Variants in WWOX observed in about 807,000 individuals in gnomAD.
The protein encoded by WWOX is WW domain-containing oxidoreductase.
Under a neutral mutation model 46.2 loss-of-function variants are expected in WWOX, and 69 were observed. The observed-to-expected ratio is 1.49, with a 90% CI of 1.23 to 1.82. The LOEUF (loss-of-function observed/expected upper bound fraction) is 1.82, where lower values mean the gene tolerates loss of function less well. WWOX is among the 40% of genes most tolerant of loss of function. The pLI, the probability that WWOX is intolerant of heterozygous loss-of-function variation, is 0.00. For synonymous variants in WWOX, 359 were observed against 202.6 expected, an observed-to-expected ratio of 1.77 and a Z score of -6.56; for missense variants, 919 against 542.6, an observed-to-expected ratio of 1.69 and a Z score of -6.89.
chr16:78,953,630 C>T (rs2046107362), intron 8 of WWOX, among the ~76,000 whole-genome samples: 1 of 152,098 alleles, frequency 6.6e-6, no homozygotes. Context: ...CCAGTGGGTA[C>T]CGTACTTCAA....
intron 8 of WWOX, among the ~76,000 whole-genome samples, chr16:78,940,358 G>C (rs1287786500): frequency 6.6e-6 from 1 of 152,200 alleles, no homozygotes; most frequent in Admixed American, 6.5e-5. Flanking sequence ...ATGCAAAACA[G>C]TGGTAGATTT....
chr16:79,108,339 G>C (rs192797797), intron 8 of WWOX, among the ~76,000 whole-genome samples: 35 of 152,326 alleles, frequency 2.3e-4, no homozygotes, highest in Non-Finnish European at 4.6e-4. Flanking sequence ...TTTCTAAATA[G>C]CTGAGCTGCG....
At position 78,621,695 on chromosome 16, in the gene WWOX, C is replaced by T. The variant is rs1439981085; in HGVS notation, c.1056+188943C>T. ...TCTCGGCTCACCACGAGCTCTGCGT[C>T]GTGGGTTCATGCCATTCTCCTGCCT... On this transcript the variant is annotated intron_variant, in intron 8 of 8. Transcript: ENST00000566780. Among the ~76,000 whole-genome samples, 14 of 139,442 alleles carry T rather than the reference C, an allele frequency of 1.0e-4. No homozygotes were observed. In the South Asian group the frequency reaches 1.9e-3, roughly 19 times the overall value. The allele number at this position is 139,442 out of a possible 152,430, so 91.5% of individuals were successfully genotyped here. A position where few individuals can be genotyped will look rare whatever the true frequency, so the allele number is the denominator to read the frequency against.
chr16:78,563,634 G>C (rs989756789), intron 8 of WWOX, among the ~76,000 whole-genome samples: 2 of 149,764 alleles, frequency 1.3e-5, no homozygotes, highest in Admixed American at 1.3e-4. Context: ...CCTTTGTGTT[G>C]AATAAACTAT....
intron 7 of WWOX, among the ~76,000 whole-genome samples, chr16:78,426,237 T>C (rs2083075010): frequency 6.6e-6 from 1 of 152,138 alleles, no homozygotes; most frequent in Non-Finnish European, 1.5e-5. Context: ...GTGGCCCTGT[T>C]AAGGGGCGAG....
intron 8 of WWOX, among the ~76,000 whole-genome samples, chr16:78,862,996 G>A (rs754713116): frequency 3.7e-5 from 5 of 134,714 alleles, no homozygotes; most frequent in African/African-American, 1.4e-4. Context: ...GTCTTGCTCT[G>A]TTGCCAGGGT....
chr16:78,739,040 G>C (rs112336242), intron 8 of WWOX, among the ~76,000 whole-genome samples: 46 of 152,252 alleles, frequency 3.0e-4, no homozygotes, highest in African/African-American at 1.0e-3. Flanking sequence ...TGGTTGGATA[G>C]ACTTCCTCTG....
At chr16:79,075,515 T>G (rs1396372144) in intron 8 of WWOX, among the ~76,000 whole-genome samples, 1 of 151,652 alleles carries the variant, frequency 6.6e-6, no homozygotes, top group African/African-American at 2.4e-5. Flanking sequence ...CTCTGTATAA[T>G]AACAACCTCT....
chr16:78,221,958 C>A (rs1387160548), intron 5 of WWOX, among the ~76,000 whole-genome samples: 1 of 152,118 alleles, frequency 6.6e-6, no homozygotes, highest in Non-Finnish European at 1.5e-5. Context: ...CCTCTGTCTT[C>A]CAAACCAAGA....
intron 8 of WWOX, among the ~76,000 whole-genome samples, chr16:78,614,089 CT>C (rs1320805435): frequency 6.6e-6 from 1 of 152,190 alleles, no homozygotes; most frequent in Admixed American, 6.5e-5. Context: ...TGTGTCACCC[CT>C]GGAGGTAGCA....
intron 8 of WWOX, among the ~76,000 whole-genome samples, chr16:78,963,012 G>A (rs531017765): frequency 3.9e-5 from 6 of 152,208 alleles, no homozygotes; most frequent in African/African-American, 1.4e-4. Flanking sequence ...CCAACAGTTT[G>A]TATTATGAAA....
chr16:78,440,857 G>A (rs1191222533), intron 8 of WWOX, among the ~76,000 whole-genome samples: 2 of 152,134 alleles, frequency 1.3e-5, no homozygotes, highest in Non-Finnish European at 2.9e-5. Flanking sequence ...GACCTCAGGT[G>A]ATCCACCTGC....
chr16:78,508,066 G>C (rs1430044183), intron 8 of WWOX, among the ~76,000 whole-genome samples: 1 of 151,662 alleles, frequency 6.6e-6, no homozygotes, highest in African/African-American at 2.4e-5. Context: ...GGAGTGTAGT[G>C]GCATGATCTT....
intron 2 of WWOX, among the ~76,000 whole-genome samples, chr16:78,109,291 A>G (rs1333272756): frequency 1.3e-5 from 2 of 151,912 alleles, no homozygotes; most frequent in Non-Finnish European, 2.9e-5. Context: ...ATTCGAGGTG[A>G]GCCTAGGCAA....
chr16:78,736,794 A>G lies in WWOX; in HGVS notation c.1056+304042A>G, dbSNP rs2049102509. ...ACTAAATTTTTAAAAATTTTTTTAG[A>G]CACTGAGTCTCACCGTCTTGCCCTG... On this transcript the variant is annotated intron_variant, in intron 8 of 8. Coordinates refer to ENST00000566780, the MANE Select transcript of WWOX (RefSeq NM_016373.4). Among the ~76,000 whole-genome samples the G allele has an allele frequency of 2.6e-5, 4 of 152,202 alleles. No individual in the cohort carries two copies. In the South Asian group the frequency reaches 8.3e-4, roughly 32 times the overall value.
At chr16:78,647,302 C>T (rs1316341954) in intron 8 of WWOX, among the ~76,000 whole-genome samples, 1 of 152,144 alleles carries the variant, frequency 6.6e-6, no homozygotes, top group Admixed American at 6.5e-5. Flanking sequence ...TGGATGCTGG[C>T]CCGGCCCAGG....
intron 5 of WWOX, among the ~76,000 whole-genome samples, chr16:78,194,138 A>C (rs942481113): frequency 6.6e-6 from 1 of 151,514 alleles, no homozygotes; most frequent in African/African-American, 2.4e-5. Context: ...TCGGCCTCCC[A>C]AAGTGCTGGG....
At chr16:78,800,622 C>A (rs1236616377) in intron 8 of WWOX, among the ~76,000 whole-genome samples, 1 of 152,176 alleles carries the variant, frequency 6.6e-6, no homozygotes, top group Non-Finnish European at 1.5e-5. Context: ...AAATGGCTTG[C>A]AGTGGCAGCT....
chr16:78,179,583 A>G (rs2035462451), intron 5 of WWOX: 1 of 152,140 alleles, frequency 6.6e-6, no homozygotes, highest in Non-Finnish European at 1.5e-5. Flanking sequence ...GATGATGATG[A>G]TAATAATAAT....
Sources: gnomAD v4.1 joint callset for allele counts (sites outside exome capture counted in the v4.1 genomes callset) on GRCh38, gnomAD v4.1.1 for gene constraint, MANE v1.5 for transcripts, NCBI Gene and HGNC (gene_info 2026-07-23, HGNC 2026-07-21) for gene names.